The following CLMP variants were observed in gnomAD, a reference collection of about 807,000 sequenced individuals.
CLMP encodes CXADR like cell adhesion molecule, also known as CXADR-like membrane protein.
CLMP carries 27 observed loss-of-function variants against 45.2 expected under a neutral mutation model. The observed-to-expected ratio is 0.60, with a 90% CI of 0.44 to 0.82. CLMP has a LOEUF of 0.82. Among genes scored for constraint, CLMP ranks in the 40% least tolerant of loss-of-function variants. CLMP has a pLI of 0.00. For synonymous variants in CLMP, 167 were observed against 171.4 expected (o/e 0.97, Z 0.20); for missense variants, 403 against 448.4 (o/e 0.90, Z 0.91).
chr11:123,108,671 TG>T (rs1860594058), intron 1 of CLMP, among the ~76,000 whole-genome samples: 1 of 148,534 alleles, frequency 6.7e-6, no homozygotes, highest in South Asian at 2.1e-4. Flanking sequence ...AGGAGGAGAG[TG>T]GGAGGGAGGA....
chr11:123,173,552 G>A (rs899837408), intron 1 of CLMP, among the ~76,000 whole-genome samples: 2 of 152,176 alleles, frequency 1.3e-5, no homozygotes, highest in Non-Finnish European at 2.9e-5. Flanking sequence ...CTTGAGGTTT[G>A]GGGTGATTAA....
At chr11:123,193,593 C>A (rs1305629995) in intron 1 of CLMP, among the ~76,000 whole-genome samples, 1 of 152,350 alleles carries the variant, frequency 6.6e-6, no homozygotes, top group East Asian at 1.9e-4. Context: ...CCACCTCTTT[C>A]ATTTCTCTAA....
intron 1 of CLMP, chr11:123,136,308 C>T (rs891254022): frequency 1.6e-6 from 1 of 635,842 alleles, no homozygotes; most frequent in Admixed American, 2.0e-5. Flanking sequence ...TGTCTTCGCG[C>T]ATACTCAGTT....
intron 1 of CLMP, among the ~76,000 whole-genome samples, chr11:123,150,472 AAAGAAAGAAAGG>A (rs1251226114): frequency 1.5e-3 from 128 of 84,220 alleles, no homozygotes; most frequent in Non-Finnish European, 2.1e-3. Context: ...AGAAAGAAAG[AAAGAAAGAAAGG>A]AAGGAAGGAA....
chr11:123,093,995 GTT>G (rs1403094632), intron 2 of CLMP, among the ~76,000 whole-genome samples: 3 of 152,120 alleles, frequency 2.0e-5, no homozygotes, highest in Non-Finnish European at 4.4e-5. Context: ...GCCATTTGGT[GTT>G]TTCTCAGAGA....
intron 1 of CLMP, among the ~76,000 whole-genome samples, chr11:123,149,284 T>C (rs971010872): frequency 6.6e-6 from 1 of 152,200 alleles, no homozygotes; most frequent in African/African-American, 2.4e-5. Context: ...ATTTCAGATG[T>C]CTGGCCTCCA....
intron 1 of CLMP, among the ~76,000 whole-genome samples, chr11:123,108,084 G>A (rs1030417157): frequency 6.6e-6 from 1 of 152,212 alleles, no homozygotes. Context: ...GCACCTGGAA[G>A]CTAATGGCAC....
intron 2 of CLMP, among the ~76,000 whole-genome samples, chr11:123,087,262 G>A (rs1001690528): frequency 2.6e-5 from 4 of 152,042 alleles, no homozygotes; most frequent in South Asian, 4.1e-4. Context: ...GCTTGAACCC[G>A]GGAGGCGGAG....
intron 1 of CLMP, among the ~76,000 whole-genome samples, chr11:123,184,428 C>A (rs1221818100): frequency 6.6e-6 from 1 of 152,200 alleles, no homozygotes; most frequent in African/African-American, 2.4e-5. Flanking sequence ...CCAAAATTTT[C>A]TGTGCTCATT....
chr11:123,188,964 A>G (rs1160403417), intron 1 of CLMP: 1 of 152,218 alleles, frequency 6.6e-6, no homozygotes, highest in South Asian at 2.1e-4. Flanking sequence ...CATAAACCTC[A>G]TCATCCACAG....
At chr11:123,127,035 T>C (rs75132621) in intron 1 of CLMP, among the ~76,000 whole-genome samples, 9,957 of 152,142 alleles carry the variant, frequency 0.065, 442 homozygotes, top group East Asian at 0.14. Flanking sequence ...TATAATTAAG[T>C]GTATAAATGT....
rs1240050060 is a variant in CLMP at position 123,195,128 on chromosome 11, G to A, written c.-188C>T. ...CCCTGGGGGCAGATGGGCTCCCGGC[G>A]CTCGCCCCACCAGCTGGCGCCCGGA... On this transcript the variant is annotated 5_prime_UTR_variant, in exon 1 of 7. Coordinates refer to ENST00000448775, the MANE Select transcript of CLMP (RefSeq NM_024769.5). The A allele has an allele frequency of 1.5e-5, 5 of 334,696 alleles. No homozygotes were observed. Among genetic ancestry groups the A allele is most frequent in the Admixed American group, 5.1e-5 (1 of 19,748 alleles). 20.7% of individuals were successfully genotyped at this position (334,696 alleles called of 1,614,324 possible). A position where few individuals can be genotyped will look rare whatever the true frequency, so the allele number is the denominator to read the frequency against.
chr11:123,162,491 G>A (rs1279141464), intron 1 of CLMP, among the ~76,000 whole-genome samples: 1 of 152,178 alleles, frequency 6.6e-6, no homozygotes, highest in East Asian at 1.9e-4. Context: ...AAATCTTTCA[G>A]GCACCTGGGA....
At position 123,082,749 on chromosome 11, in the gene CLMP, T is replaced by G. The variant is rs548795610; in HGVS notation, c.679+336A>C. Among the ~76,000 whole-genome samples the G allele has an allele frequency of 2.6e-5, 4 of 152,016 alleles. No individual in the cohort carries two copies. In the South Asian group the frequency reaches 8.3e-4, roughly 32 times the overall value. The stretch of plus-strand genomic sequence containing the variant: ...CCTCAGCTTCCTGAGTAGCTGAGAT[T>G]ACAGGCGCCCACCACACCCAGCTAA... On this transcript the variant is annotated intron_variant, in intron 5 of 6. Transcript: ENST00000448775.
intron 1 of CLMP, among the ~76,000 whole-genome samples, chr11:123,127,026 A>C (rs959785928): frequency 2.0e-5 from 3 of 152,164 alleles, no homozygotes; most frequent in Non-Finnish European, 4.4e-5. Context: ...TAAGTTAAAT[A>C]TAATTAAGTG....
intron 1 of CLMP, among the ~76,000 whole-genome samples, chr11:123,176,842 AGG>A (rs1161272643): frequency 4.6e-5 from 7 of 152,202 alleles, no homozygotes; most frequent in Admixed American, 2.6e-4. Flanking sequence ...GACAGACACA[AGG>A]GTAGTGCTAT....
rs200965881 is a variant in CLMP at position 123,097,967 on chromosome 11, T to C, written c.29-15A>G. On this transcript the variant is annotated splice_polypyrimidine_tract_variant and intron_variant, in intron 1 of 6. Coordinates refer to ENST00000448775, the MANE Select transcript of CLMP (RefSeq NM_024769.5). ...ATAGTAGGAAACTGGAAGAGGAAAA[T>C]CTTTAATGAGTAATGCAGAGACTGG... 7.8e-6 allele frequency: 12 copies of C among 1,535,766 alleles called. No individual in the cohort carries two copies. In the African/African-American group the frequency reaches 1.1e-4, roughly 14 times the overall value.
At chr11:123,150,525 AAGGAAAGAAAC>A (rs1322380009) in intron 1 of CLMP, among the ~76,000 whole-genome samples, 247 of 126,122 alleles carry the variant, frequency 2.0e-3, no homozygotes, top group Non-Finnish European at 2.0e-3. Context: ...GGAAGGAAGG[AAGGAAAGAAAC>A]AAGCAAGGAA....
chr11:123,113,709 T>C (rs929236863), intron 1 of CLMP, among the ~76,000 whole-genome samples: 2 of 152,184 alleles, frequency 1.3e-5, no homozygotes, highest in Non-Finnish European at 2.9e-5. Flanking sequence ...TGCACTGCTA[T>C]TCTACAGACT....
Sources: gnomAD v4.1 joint callset for allele counts (sites outside exome capture counted in the v4.1 genomes callset) on GRCh38, gnomAD v4.1.1 for gene constraint, MANE v1.5 for transcripts, NCBI Gene and HGNC (gene_info 2026-07-23, HGNC 2026-07-21) for gene names.